Variants in PRKN observed in about 807,000 individuals in gnomAD.
PRKN encodes the protein E3 ubiquitin-protein ligase parkin.
A neutral mutation model predicts 59.5 loss-of-function variants in PRKN; 56 were observed. The observed-to-expected ratio is 0.94, with a 90% CI of 0.76 to 1.18. The LOEUF is 1.18. Among genes scored for constraint, PRKN ranks in the 50% most tolerant of loss-of-function variants. The pLI, the probability that PRKN is intolerant of heterozygous loss-of-function variation, is 0.00. For missense variants in PRKN, 657 were observed against 596.4 expected, an observed-to-expected ratio of 1.10 and a Z score of -1.06; for synonymous variants, 250 against 222.1, an observed-to-expected ratio of 1.13 and a Z score of -1.12.
intron 7 of PRKN, among the ~76,000 whole-genome samples, chr6:161,677,302 T>C (rs997300151): frequency 2.7e-5 from 4 of 146,406 alleles, no homozygotes; most frequent in African/African-American, 1.0e-4. Flanking sequence ...GTGAGGGGGG[T>C]GAAGATGGGG....
At chr6:162,440,765 T>A (rs1790012683) in intron 2 of PRKN, among the ~76,000 whole-genome samples, 1 of 152,136 alleles carries the variant, frequency 6.6e-6, no homozygotes. Context: ...CCATCTTCTT[T>A]TTCTCAGCAG....
chr6:161,536,717 C>T (rs149591163), intron 9 of PRKN, among the ~76,000 whole-genome samples: 20 of 152,274 alleles, frequency 1.3e-4, no homozygotes, highest in Non-Finnish European at 2.2e-4. Context: ...ACATCAGTGA[C>T]GTTTAATGTG....
In PRKN at chr6:162,445,689, TAAAAAAAAAAAAAAAAAA is replaced by T. The variant is rs71004091; in HGVS notation, c.8-2234_8-2217del. Among the ~76,000 whole-genome samples the T allele has an allele frequency of 9.4e-4, 27 of 28,748 alleles. 1 individual carries two copies. In the South Asian group the frequency reaches 0.011, roughly 12 times the overall value. 18.9% of individuals were successfully genotyped at this position (28,748 alleles called of 152,430 possible). ...CACCCTGGGTGACAGAGACCTTGTC[TAAAAAAAAAAAAAAAAAA>T]AAAAAAAAAAAAAAAAAAAAGTCCA... On this transcript the variant is annotated intron_variant, in intron 1 of 11. Coordinates refer to ENST00000366898, the MANE Select transcript of PRKN (RefSeq NM_004562.3).
intron 9 of PRKN, among the ~76,000 whole-genome samples, chr6:161,516,467 TAAAAAA>T (rs376373455): frequency 1.3e-4 from 3 of 23,146 alleles, no homozygotes; most frequent in Admixed American, 5.8e-4. Flanking sequence ...AGGCTCCTTC[TAAAAAA>T]AAAAAAAAAA....
intron 1 of PRKN, among the ~76,000 whole-genome samples, chr6:162,554,781 C>A (rs960613439): frequency 6.6e-6 from 1 of 152,034 alleles, no homozygotes; most frequent in East Asian, 1.9e-4. Flanking sequence ...CCAGAGAAGG[C>A]GAAAGACCCA....
At chr6:161,657,910 G>C (rs1270390701) in intron 7 of PRKN, among the ~76,000 whole-genome samples, 1 of 150,802 alleles carries the variant, frequency 6.6e-6, no homozygotes, top group Non-Finnish European at 1.5e-5. Context: ...TGCCCACTCG[G>C]GAGGCTGAGG....
intron 2 of PRKN, among the ~76,000 whole-genome samples, chr6:162,277,140 C>G (rs1213366380): frequency 6.6e-6 from 1 of 152,116 alleles, no homozygotes; most frequent in Non-Finnish European, 1.5e-5. Context: ...TTAATTCACT[C>G]AAGGATCACC....
At chr6:162,491,874 C>T (rs537627686) in intron 1 of PRKN, among the ~76,000 whole-genome samples, 21 of 152,274 alleles carry the variant, frequency 1.4e-4, no homozygotes, top group African/African-American at 3.6e-4. Flanking sequence ...CAGCAGATCA[C>T]GTGTTCCCTG....
chr6:162,709,267 C>A (rs1349395464), intron 1 of PRKN, among the ~76,000 whole-genome samples: 1 of 152,144 alleles, frequency 6.6e-6, no homozygotes, highest in Non-Finnish European at 1.5e-5. Context: ...AAACCACCCT[C>A]CTCGCCCTGA....
intron 4 of PRKN, among the ~76,000 whole-genome samples, chr6:162,129,853 A>G (rs1472758067): frequency 6.6e-6 from 1 of 152,164 alleles, no homozygotes; most frequent in African/African-American, 2.4e-5. Context: ...ACATCTGAGA[A>G]ACAAATTTTC....
chr6:162,627,627 G>A (rs1180393665), intron 1 of PRKN, among the ~76,000 whole-genome samples: 1 of 152,056 alleles, frequency 6.6e-6, no homozygotes, highest in South Asian at 2.1e-4. Flanking sequence ...GGGTAAAATG[G>A]GGCAGTTAGG....
At chr6:162,020,332 CAAAAAAAAAAA>C (rs771141235) in intron 5 of PRKN, among the ~76,000 whole-genome samples, 5 of 45,446 alleles carry the variant, frequency 1.1e-4, no homozygotes, top group African/African-American at 1.7e-4. Flanking sequence ...ACCAATGAAT[CAAAAAAAAAAA>C]AAAAAAAAAA....
intron 6 of PRKN, among the ~76,000 whole-genome samples, chr6:161,830,290 T>A (rs537635658): frequency 7.4e-4 from 113 of 151,992 alleles, no homozygotes; most frequent in African/African-American, 2.6e-3. Context: ...CTCGCTCTGT[T>A]GCCCAGGCTG....
chr6:162,197,185 C>T (rs1784527164), intron 4 of PRKN, among the ~76,000 whole-genome samples: 1 of 152,118 alleles, frequency 6.6e-6, no homozygotes, highest in African/African-American at 2.4e-5. Context: ...TCAGAATTGC[C>T]TATTATTCAC....
At chr6:162,635,693 G>C (rs1467531306) in intron 1 of PRKN, among the ~76,000 whole-genome samples, 1 of 151,878 alleles carries the variant, frequency 6.6e-6, no homozygotes. Flanking sequence ...AGAGTTTGTT[G>C]ATTCTCAGTG....
At chr6:161,891,042 A>C (rs191380348) in intron 6 of PRKN, among the ~76,000 whole-genome samples, 170 of 152,324 alleles carry the variant, frequency 1.1e-3, no homozygotes, top group African/African-American at 3.9e-3. Flanking sequence ...AGCGGGAAAT[A>C]ACAACAATAA....
intron 8 of PRKN, among the ~76,000 whole-genome samples, chr6:161,555,099 A>T (rs369411836): frequency 9.9e-5 from 15 of 152,108 alleles, no homozygotes; most frequent in South Asian, 6.2e-4. Context: ...GATCTTCTTT[A>T]CCTCACTTCT....
chr6:161,809,750 A>T (rs1791485029), intron 6 of PRKN, among the ~76,000 whole-genome samples: 1 of 152,150 alleles, frequency 6.6e-6, no homozygotes. Flanking sequence ...ACACTGAAAA[A>T]CTACAAGAGA....
chr6:162,712,528 C>T (rs976651763), intron 1 of PRKN, among the ~76,000 whole-genome samples: 7 of 152,200 alleles, frequency 4.6e-5, no homozygotes, highest in Non-Finnish European at 1.0e-4. Flanking sequence ...AATATCATGA[C>T]GCTTATACAA....
Sources: gnomAD v4.1 joint callset for allele counts (sites outside exome capture counted in the v4.1 genomes callset) on GRCh38, gnomAD v4.1.1 for gene constraint, MANE v1.5 for transcripts, NCBI Gene and HGNC (gene_info 2026-07-23, HGNC 2026-07-21) for gene names.